RHOBTB3: variants seen among roughly 807,000 people sequenced by gnomAD.
The protein encoded by RHOBTB3 is Rho related BTB domain containing 3.
A neutral mutation model predicts 67.2 loss-of-function variants in RHOBTB3; 47 were observed. The observed-to-expected ratio is 0.70, with a 90% CI of 0.55 to 0.89. The LOEUF (loss-of-function observed/expected upper bound fraction) is 0.89, where lower values mean the gene tolerates loss of function less well. Ranked by LOEUF, RHOBTB3 falls within the 40% of genes least tolerant of loss-of-function variation. RHOBTB3 has a pLI of 0.00. For synonymous variants in RHOBTB3, 273 were observed against 274.2 expected (o/e 1.00, Z 0.04); for missense variants, 631 against 750.0 (o/e 0.84, Z 1.85).
intron 3 of RHOBTB3, among the ~76,000 whole-genome samples, chr5:95,743,926 C>T (rs1001506289): frequency 2.6e-5 from 4 of 151,768 alleles, no homozygotes; most frequent in African/African-American, 9.7e-5. Flanking sequence ...CCAGGCTGGT[C>T]TCGAACTCCT....
At chr5:95,762,242 A>C (rs926676932) in intron 6 of RHOBTB3, among the ~76,000 whole-genome samples, 8 of 152,208 alleles carry the variant, frequency 5.3e-5, no homozygotes, top group Non-Finnish European at 1.2e-4. Context: ...AGGTGGGGAG[A>C]AGTTGAAAGG....
Position 95,780,299 on chromosome 5 carries a change from G to A in RHOBTB3, c.1330G>A (p.Val444Met). 6.2e-7 allele frequency: 1 copy of A among 1,614,020 alleles called. No individual in the cohort carries two copies. The highest frequency in any genetic ancestry group is 1.7e-4 in the Middle Eastern group (1 of 6,060). Residue 444 changes from valine to methionine, a missense_variant, in exon 9 of 12, where the codon GTG becomes ATG. By Grantham distance (21) the Val-to-Met change is conservative (BLOSUM62 1). Transcript: ENST00000379982. ...HRAILVARCE[V>M]MAAMFNGNYM... The stretch of plus-strand genomic sequence containing the variant: ...GGCCATCCTGGTGGCCCGTTGTGAA[G>A]TGATGGCAGCCATGTTTAATGGTAA...
At chr5:95,775,038 C>T (rs1296676516) in intron 8 of RHOBTB3, among the ~76,000 whole-genome samples, 2 of 152,114 alleles carry the variant, frequency 1.3e-5, no homozygotes, top group Non-Finnish European at 1.5e-5. Context: ...CAGAGATTTG[C>T]ACTTTAACTC....
At chr5:95,732,493 A>C in intron 2 of RHOBTB3, 2 of 307,696 alleles carry the variant, frequency 6.5e-6, no homozygotes, top group Non-Finnish European at 6.0e-6. Flanking sequence ...TCAAAGCTCA[A>C]CACAGGCAAA....
At chr5:95,728,576 T>C (rs1272914978), upstream of RHOBTB3, among the ~76,000 whole-genome samples, 1 of 152,212 alleles carries the variant, frequency 6.6e-6, no homozygotes, top group African/African-American at 2.4e-5. Context: ...CTATCTCTTT[T>C]ACTGACTGCC....
chr5:95,793,038 G>A, intron 11 of RHOBTB3, 21 bp from the exon 12 acceptor site: 1 of 1,517,702 alleles, frequency 6.6e-7, no homozygotes, highest in Non-Finnish European at 9.1e-7. Flanking sequence ...TCGGTTAACA[G>A]TCTTTTTCTT....
intron 7 of RHOBTB3, 47 bp from the exon 8 acceptor site, chr5:95,767,999 A>C (rs931459943): frequency 1.3e-6 from 2 of 1,588,668 alleles, no homozygotes; most frequent in Admixed American, 3.4e-5. Flanking sequence ...ATATGTTATC[A>C]AAGCATGTTA....
Position 95,731,474 on chromosome 5 carries a change from C to A in RHOBTB3, c.-209C>A, listed in dbSNP as rs1384621676. 1.3e-5 allele frequency: 16 copies of A among 1,223,140 alleles called. No individual in the cohort carries two copies. The East Asian group carries it at 5.7e-4, about 44-fold the overall frequency. 75.8% of individuals were successfully genotyped at this position (1,223,140 alleles called of 1,614,324 possible). A position where few individuals can be genotyped will look rare whatever the true frequency, so the allele number is the denominator to read the frequency against. On this transcript the variant is annotated 5_prime_UTR_variant, in exon 1 of 12. Transcript: ENST00000379982. ...CCCTGAGTAGCGGCAGCTTATCCCC[C>A]GCCCGCTAGCCCGCCCTGGTCCCCG...
chr5:95,788,795 C>T lies in RHOBTB3; in HGVS notation c.1657C>T (p.Leu553Phe). Reference protein sequence around the residue: ...HHSDCLSTWLLHFIATNYLIF... With the variant: ...HHSDCLSTWLFHFIATNYLIF... ...CTCTGATTGCCTTTCAACCTGGCTA[C>T]TTCATTTCATTGCTACTAACTACCT... Residue 553 changes from leucine (L) to phenylalanine (F), a missense_variant, in exon 11 of 12, where the codon CTT (leucine) becomes TTT (phenylalanine). Transcript: ENST00000379982. The T allele has an allele frequency of 6.3e-7, 1 of 1,588,356 alleles. No homozygotes were observed. The highest frequency in any genetic ancestry group is 1.8e-5 in the Admixed American group (1 of 54,116).
At chr5:95,778,400 GTT>G (rs370784300) in intron 8 of RHOBTB3, among the ~76,000 whole-genome samples, 1 of 144,072 alleles carries the variant, frequency 6.9e-6, no homozygotes, top group Non-Finnish European at 1.5e-5. Flanking sequence ...CAGTTGCAGG[GTT>G]TTTTTTTTTT....
At chr5:95,718,712 T>C (rs1321283917) in intron 1 of RHOBTB3, among the ~76,000 whole-genome samples, 1 of 152,180 alleles carries the variant, frequency 6.6e-6, no homozygotes, top group Non-Finnish European at 1.5e-5. Context: ...ACACTAAGGT[T>C]GATCCAGGGT....
upstream of RHOBTB3, chr5:95,730,910 G>A (rs1755204627): frequency 2.2e-6 from 1 of 457,088 alleles, no homozygotes; most frequent in Non-Finnish European, 4.4e-6. Flanking sequence ...AAGCACTTTC[G>A]GTCAAGGCCA....
At chr5:95,789,871 C>T (rs967992475) in intron 11 of RHOBTB3, among the ~76,000 whole-genome samples, 2 of 152,162 alleles carry the variant, frequency 1.3e-5, no homozygotes, top group South Asian at 4.1e-4. Context: ...ATCATATGGT[C>T]AAGATGGTGA....
chr5:95,761,524 G>T (rs541520724), intron 6 of RHOBTB3, among the ~76,000 whole-genome samples: 6 of 152,052 alleles, frequency 3.9e-5, no homozygotes, highest in Non-Finnish European at 5.9e-5. Context: ...TGTATTTTTA[G>T]TAGAGATAGG....
At chr5:95,753,900 A>G (rs1008963959) in intron 5 of RHOBTB3, among the ~76,000 whole-genome samples, 1 of 152,198 alleles carries the variant, frequency 6.6e-6, no homozygotes, top group Non-Finnish European at 1.5e-5. Context: ...ACCAGGGGTC[A>G]GGAGTTCGAG....
chr5:95,776,252 C>A (rs1422323042), intron 8 of RHOBTB3, among the ~76,000 whole-genome samples: 2 of 151,736 alleles, frequency 1.3e-5, no homozygotes, highest in Non-Finnish European at 2.9e-5. Flanking sequence ...ATTAAAAATA[C>A]AAAAATCAGC....
rs896510927 is a variant in RHOBTB3 at position 95,793,297 on chromosome 5, A to T, written c.*123A>T. On this transcript the variant is annotated 3_prime_UTR_variant, in exon 12 of 12. Coordinates refer to ENST00000379982, the MANE Select transcript of RHOBTB3 (RefSeq NM_014899.4). ...TGTTAGAAAAATTACCATATAGCTT[A>T]ATATGTTTATTAGTTCTCTTTGGAA... 6 of 595,856 alleles carry T rather than the reference A, an allele frequency of 1.0e-5. No homozygotes were observed. The highest frequency in any genetic ancestry group is 1.8e-5 in the Non-Finnish European group (6 of 341,108). 36.9% of individuals were successfully genotyped at this position (595,856 alleles called of 1,614,324 possible).
upstream of RHOBTB3, among the ~76,000 whole-genome samples, chr5:95,727,365 T>G (rs1755087352): frequency 6.6e-6 from 1 of 152,204 alleles, no homozygotes; most frequent in South Asian, 2.1e-4. Context: ...TCTCCAGCTG[T>G]TAAGGAACCA....
intron 5 of RHOBTB3, among the ~76,000 whole-genome samples, chr5:95,754,047 A>G (rs1745170858): frequency 6.6e-6 from 1 of 152,180 alleles, no homozygotes; most frequent in Non-Finnish European, 1.5e-5. Flanking sequence ...CAGAGGTTGC[A>G]GTGAGCCAAG....
Sources: gnomAD v4.1 joint callset for allele counts (sites outside exome capture counted in the v4.1 genomes callset) on GRCh38, gnomAD v4.1.1 for gene constraint, MANE v1.5 for transcripts, NCBI Gene and HGNC (gene_info 2026-07-23, HGNC 2026-07-21) for gene names.